ACTL6A: variants seen among roughly 807,000 people sequenced by gnomAD.
The protein encoded by ACTL6A is actin like 6A.
In ACTL6A, 5 loss-of-function variants were observed where a neutral mutation model predicts 59.2. The observed-to-expected ratio is 0.08, with a 90% CI of 0.04 to 0.18. ACTL6A has a LOEUF of 0.18. ACTL6A is among the 10% of genes least tolerant of loss of function. ACTL6A has a pLI of 1.00. For missense variants in ACTL6A, 285 were observed against 526.9 expected (o/e 0.54, Z 4.49); for synonymous variants, 154 against 171.8 (o/e 0.90, Z 0.81).
At chr3:179,571,199 A>C (rs1243214671) in intron 3 of ACTL6A, among the ~76,000 whole-genome samples, 2 of 152,090 alleles carry the variant, frequency 1.3e-5, no homozygotes, top group East Asian at 3.8e-4. Context: ...CTGTGGGTGG[A>C]TTGCTTGAGT....
At position 179,580,793 on chromosome 3, in the gene ACTL6A, TC is replaced by T. The variant is rs142386128; in HGVS notation, c.830+95del. 3,930 of 1,348,720 alleles carry T rather than the reference TC, an allele frequency of 2.9e-3. 6 individuals carry two copies. The highest frequency in any genetic ancestry group is 5.2e-3 in the East Asian group (215 of 41,002). 83.5% of individuals were successfully genotyped at this position (1,348,720 alleles called of 1,614,324 possible). ...TGAATAATGTTTAAAATATTCTCACTCCCTTTTTTTTTTTTACAAGTTTATA... is the reference window on the plus strand; with the variant it reads ...TGAATAATGTTTAAAATATTCTCACTCCTTTTTTTTTTTTACAAGTTTATA... On this transcript the variant is annotated intron_variant, in intron 9 of 13. Coordinates refer to ENST00000429709, the MANE Select transcript of ACTL6A (RefSeq NM_004301.5).
At chr3:179,583,678 T>C in intron 12 of ACTL6A, 1 of 353,772 alleles carries the variant, frequency 2.8e-6, no homozygotes, top group Non-Finnish European at 5.2e-6. Context: ...TATAGTCTGC[T>C]AGGCACTAGT....
Position 179,563,153 on chromosome 3 carries a change from T to C in ACTL6A, c.25+36T>C, listed in dbSNP as rs202169203. On this transcript the variant is annotated intron_variant, in intron 1 of 13. Transcript: ENST00000429709. ...GCGGCCGGACGAGAGAGCGCGCCTTTTCGGCGTGTGGGGTTTGTAACCGCC... is the reference window on the plus strand; with the variant it reads ...GCGGCCGGACGAGAGAGCGCGCCTTCTCGGCGTGTGGGGTTTGTAACCGCC... The C allele has an allele frequency of 9.4e-6, 15 of 1,601,544 alleles. No individual in the cohort carries two copies. In the East Asian group the frequency reaches 3.1e-4, roughly 34 times the overall value.
At chr3:179,573,493 A>T (rs1576852032) in intron 4 of ACTL6A, 24 bp downstream of exon 4, 1 of 1,452,228 alleles carries the variant, frequency 6.9e-7, no homozygotes. Context: ...TTTCTTTTTC[A>T]CGTTTCTCTA....
chr3:179,576,658 A>G lies in ACTL6A; in HGVS notation c.610A>G (p.Met204Val). The G allele has an allele frequency of 1.2e-6, 2 of 1,613,892 alleles. No homozygotes were observed. The highest frequency in any genetic ancestry group is 1.7e-6 in the Non-Finnish European group (2 of 1,179,832). ...CCCTCTTGCTGGAGACTTTATTACTATGCAGTGCAGAGAACTCTTCCAAGA... is the reference window on the plus strand; with the variant it reads ...CCCTCTTGCTGGAGACTTTATTACTGTGCAGTGCAGAGAACTCTTCCAAGA... Reference protein sequence around the residue: ...KSPLAGDFITMQCRELFQEMN... With the variant: ...KSPLAGDFITVQCRELFQEMN... The change falls in exon 7 of 14, where the codon ATG becomes GTG. Residue 204 changes from methionine (M) to valine (V), a missense_variant. Coordinates refer to ENST00000429709, the MANE Select transcript of ACTL6A (RefSeq NM_004301.5).
At chr3:179,568,174 C>CAAAAA (rs770514808) in intron 1 of ACTL6A, among the ~76,000 whole-genome samples, 1 of 56,420 alleles carries the variant, frequency 1.8e-5, no homozygotes. Flanking sequence ...GACTCCGTGT[C>CAAAAA]AAAAAAAAAA....
intron 11 of ACTL6A, 36 bp from the exon 12 acceptor site, chr3:179,583,317 T>C: frequency 2.0e-6 from 3 of 1,508,342 alleles, no homozygotes; most frequent in Non-Finnish European, 2.8e-6. Flanking sequence ...TGGAAACATA[T>C]GGAACTAATT....
At chr3:179,586,363 G>A (rs1428032465) in intron 12 of ACTL6A, 183 bp from the exon 13 acceptor site, 6 of 448,720 alleles carry the variant, frequency 1.3e-5, no homozygotes, top group Non-Finnish European at 1.9e-5. Flanking sequence ...AGTGGCTCAT[G>A]CATGTAATCC....
At chr3:179,583,652 T>C (rs1560014565) in intron 12 of ACTL6A, 7 of 434,460 alleles carry the variant, frequency 1.6e-5, no homozygotes, top group South Asian at 5.5e-5. Context: ...ATCTCATTTA[T>C]TAATATTTAA....
chr3:179,576,545 T>C (rs1241668128), intron 6 of ACTL6A, 75 bp from the exon 7 acceptor site: 3 of 1,149,760 alleles, frequency 2.6e-6, no homozygotes, highest in Non-Finnish European at 3.8e-6. Context: ...TTCACATAAA[T>C]ACACCCACAG....
chr3:179,575,571 A>G lies in ACTL6A; in HGVS notation c.477-646A>G, dbSNP rs1348544710. 1.3e-5 allele frequency: 5 copies of G among 386,628 alleles called. No individual in the cohort carries two copies. In the East Asian group the frequency reaches 3.6e-4, roughly 28 times the overall value. The allele number at this position is 386,628 out of a possible 1,614,324, so 23.9% of individuals were successfully genotyped here. Reference sequence around the variant, plus strand: ...ACCAGACTTAGTAGACACCTAATAGATGCTCAGTAAATATTTGATGAATGA... The same window carrying G: ...ACCAGACTTAGTAGACACCTAATAGGTGCTCAGTAAATATTTGATGAATGA... On this transcript the variant is annotated intron_variant, in intron 5 of 13. Coordinates refer to ENST00000429709, the MANE Select transcript of ACTL6A (RefSeq NM_004301.5).
chr3:179,569,922 A>G, intron 2 of ACTL6A, 22 bp downstream of exon 2: 1 of 1,608,376 alleles, frequency 6.2e-7, no homozygotes. Flanking sequence ...GTTAGAGTTA[A>G]TTGGATATGT....
In ACTL6A at chr3:179,588,139, A is replaced by T; in HGVS notation, c.*129A>T. The T allele has an allele frequency of 1.5e-6, 1 of 650,676 alleles. No individual in the cohort carries two copies. The highest frequency in any genetic ancestry group is 2.4e-6 in the Non-Finnish European group (1 of 422,126). 40.3% of individuals were successfully genotyped at this position (650,676 alleles called of 1,614,324 possible). ...TTTGCATATTTCAATTTCCACTTAAATTTTTTAAAGCTTTAACTGGCTCTA... is the reference window on the plus strand; with the variant it reads ...TTTGCATATTTCAATTTCCACTTAATTTTTTTAAAGCTTTAACTGGCTCTA... On this transcript the variant is annotated 3_prime_UTR_variant, in exon 14 of 14. Transcript: ENST00000429709.
chr3:179,587,414 G>A lies in ACTL6A; in HGVS notation c.1210-516G>A, dbSNP rs1718535592. 2.6e-5 allele frequency among the ~76,000 whole-genome samples: 4 copies of A among 152,174 alleles called. No individual in the cohort carries two copies. In the South Asian group the frequency reaches 8.3e-4, roughly 32 times the overall value. ...CCTTGCCAGATATTTTCTAAATCCTGACAATGTAACAGATACAGAAGGACT... is the reference window on the plus strand; with the variant it reads ...CCTTGCCAGATATTTTCTAAATCCTAACAATGTAACAGATACAGAAGGACT... On this transcript the variant is annotated intron_variant, in intron 13 of 13. Transcript: ENST00000429709.
At chr3:179,571,436 A>C (rs962912626) in intron 3 of ACTL6A, among the ~76,000 whole-genome samples, 12 of 105,446 alleles carry the variant, frequency 1.1e-4, no homozygotes, top group South Asian at 3.3e-4. Context: ...AAAAAACAAA[A>C]AAAAAAAACA....
chr3:179,588,026 C>T lies in ACTL6A; in HGVS notation c.*16C>T. The T allele has an allele frequency of 1.3e-6, 2 of 1,571,324 alleles. No homozygotes were observed. The highest frequency in any genetic ancestry group is 1.7e-6 in the Non-Finnish European group (2 of 1,159,402). On this transcript the variant is annotated 3_prime_UTR_variant, in exon 14 of 14. Coordinates refer to ENST00000429709, the MANE Select transcript of ACTL6A (RefSeq NM_004301.5). ...ATGCCCTTGAGAAAGAGTTCCCAAG[C>T]TTCTACCTTCCTTTTGTCACCTTAC... is the stretch of plus-strand genomic sequence containing the variant.
chr3:179,566,566 T>C (rs1033933998), intron 1 of ACTL6A, among the ~76,000 whole-genome samples: 3 of 152,212 alleles, frequency 2.0e-5, no homozygotes, highest in Middle Eastern at 3.2e-3. Context: ...TAGATCTAAG[T>C]GTCAGCAGAG....
intron 12 of ACTL6A, among the ~76,000 whole-genome samples, chr3:179,584,952 CGT>C (rs1479580269): frequency 6.6e-6 from 1 of 152,130 alleles, no homozygotes; most frequent in Non-Finnish European, 1.5e-5. Flanking sequence ...TAATGTTTTA[CGT>C]GTGCCACATT....
intron 1 of ACTL6A, 122 bp from the exon 2 acceptor site, chr3:179,569,702 G>A: frequency 1.2e-6 from 1 of 814,204 alleles, no homozygotes; most frequent in Non-Finnish European, 2.0e-6. Context: ...TGTAGTCCCA[G>A]CTATTTGGAA....
Sources: gnomAD v4.1 joint callset for allele counts (sites outside exome capture counted in the v4.1 genomes callset) on GRCh38, gnomAD v4.1.1 for gene constraint, MANE v1.5 for transcripts, NCBI Gene and HGNC (gene_info 2026-07-23, HGNC 2026-07-21) for gene names.